The following STOML1 variants were observed in gnomAD, a reference collection of about 807,000 sequenced individuals.
STOML1 encodes the protein stomatin like 1.
STOML1 carries 27 observed loss-of-function variants against 35.7 expected under a neutral mutation model. The observed-to-expected ratio is 0.76, with a 90% CI of 0.56 to 1.04. STOML1 has a LOEUF of 1.04. Ranked by LOEUF, STOML1 falls within the 50% of genes least tolerant of loss-of-function variation. STOML1 has a pLI of 0.00. For missense variants in STOML1, 451 were observed against 527.1 expected (o/e 0.86, Z 1.41); for synonymous variants, 219 against 227.9 (o/e 0.96, Z 0.35).
chr15:73,982,292 T>G lies in STOML1; in HGVS notation c.*1645A>C, dbSNP rs532446996. 20 of 152,462 alleles carry G rather than the reference T, an allele frequency of 1.3e-4. No individual in the cohort carries two copies. The highest frequency in any genetic ancestry group is 4.8e-4 in the African/African-American group (20 of 41,518). 9.4% of individuals were successfully genotyped at this position (152,462 alleles called of 1,614,324 possible). ...ACTGGGCCTCAAAGGGTGGCCACAG[T>G]GTGGCTGCGGGGATTGGAGGGCAGG... On this transcript the variant is annotated 3_prime_UTR_variant, in exon 7 of 7. Transcript: ENST00000541638.
chr15:73,993,741 G>A (rs1347666910), upstream of STOML1, among the ~76,000 whole-genome samples: 2 of 152,224 alleles, frequency 1.3e-5, no homozygotes, highest in African/African-American at 2.4e-5. Flanking sequence ...AAGCCGGGGC[G>A]CTGACCCAGT....
At chr15:73,985,705 G>C (rs956924459) in intron 4 of STOML1, 192 bp from the exon 5 acceptor site, 5 of 635,848 alleles carry the variant, frequency 7.9e-6, no homozygotes, top group Non-Finnish European at 1.3e-5. Context: ...AGCAAGGCCT[G>C]TGGTGAGCCC....
In STOML1 at chr15:73,984,004, C is replaced by T. The variant is rs558856616; in HGVS notation, c.1130G>A (p.Arg377Gln). ...AGCCAGGTCGCCCTTCACCTTCAGC[C>T]GTCCACTCATGTAGGCCCCCAGGGG... ...LRPLGAYMSG[R>Q]LKVKGDLAMA... The change falls in exon 7 of 7, where the codon CGG becomes CAG. Residue 377 changes from arginine to glutamine, a missense_variant. Transcript: ENST00000541638. The T allele has an allele frequency of 1.1e-5, 17 of 1,614,064 alleles. No homozygotes were observed. The highest frequency in any genetic ancestry group is 2.2e-5 in the East Asian group (1 of 44,880).
chr15:73,990,116 C>T (rs939655726), intron 2 of STOML1: 10 of 497,116 alleles, frequency 2.0e-5, no homozygotes, highest in Admixed American at 3.4e-5. Context: ...GATCCCAGGA[C>T]TTAGGAGTTT....
chr15:73,990,498 C>T, intron 1 of STOML1, 41 bp from the exon 2 acceptor site: 1 of 1,564,880 alleles, frequency 6.4e-7, no homozygotes, highest in Non-Finnish European at 8.7e-7. Flanking sequence ...ACCTGCACGA[C>T]AGCTGCCAAG....
intron 6 of STOML1, 87 bp downstream of exon 6, chr15:73,984,572 G>A: frequency 6.8e-7 from 1 of 1,475,492 alleles, no homozygotes; most frequent in South Asian, 1.2e-5. Context: ...GCAGGAGCAG[G>A]GGGCAGTCTA....
chr15:73,993,304 GT>G (rs757991168), upstream of STOML1, among the ~76,000 whole-genome samples: 3 of 152,222 alleles, frequency 2.0e-5, no homozygotes, highest in Non-Finnish European at 2.9e-5. Context: ...TTTGAGAAGT[GT>G]TAACTTCCAA....
chr15:73,991,097 G>T (rs1216105560), intron 1 of STOML1: 14 of 687,134 alleles, frequency 2.0e-5, no homozygotes, highest in Non-Finnish European at 2.3e-5. Flanking sequence ...CAGCCTGGGG[G>T]ACAGAGCGAG....
Position 73,984,680 on chromosome 15 carries a change from A to G in STOML1, c.982T>C (p.Tyr328His). ...GCACCTGTAGTGAGGTCCAGGAAGT[A>G]GGCGCTTTGGGTGCCGCTGGGCAGG... ...VVLPSGTQSA[Y>H]FLDLTTGRGR... The change falls in exon 6 of 7, where the codon TAC becomes CAC. Residue 328 changes from tyrosine (Y) to histidine (H), a missense_variant. Transcript: ENST00000541638. The G allele has an allele frequency of 6.2e-7, 1 of 1,614,136 alleles. No homozygotes were observed. Among genetic ancestry groups the G allele is most frequent in the Non-Finnish European group, 8.5e-7 (1 of 1,180,020 alleles).
In STOML1 at chr15:73,984,719, G is replaced by A. The variant is rs1252243843; in HGVS notation, c.943C>T (p.Gln315Ter). 3.1e-6 allele frequency: 5 copies of A among 1,614,122 alleles called. No homozygotes were observed. Among genetic ancestry groups the A allele is most frequent in the Non-Finnish European group, 3.4e-6 (4 of 1,180,044 alleles). The change falls in exon 6 of 7, where the codon CAG (glutamine) becomes TAG (stop). Residue 315 changes from glutamine (Q) to a stop codon, truncating the protein, a stop_gained. Coordinates refer to ENST00000541638, the MANE Select transcript of STOML1 (RefSeq NM_004809.5). LOFTEE classifies it high-confidence loss of function. ...CCGCTGGGCAGGACGACATTGAACT[G>A]GTAGCAGGCCCCGACTTGGCTGACC... is the stretch of plus-strand genomic sequence containing the variant. ...ALVSQVGACY[Q>*]FNVVLPSGTQ...
At chr15:73,985,237 A>C in intron 5 of STOML1, 81 bp downstream of exon 5, 49 of 1,423,706 alleles carry the variant, frequency 3.4e-5, no homozygotes, top group Non-Finnish European at 4.4e-5. Context: ...TGTACTGCAC[A>C]GAGCTGCTGG....
upstream of STOML1, among the ~76,000 whole-genome samples, chr15:73,992,649 A>C (rs1207676882): frequency 2.0e-5 from 3 of 152,164 alleles, no homozygotes; most frequent in Non-Finnish European, 4.4e-5. Context: ...CTCTACAAAA[A>C]ATTTTTAAAA....
chr15:73,981,600 T>C lies in STOML1; in HGVS notation c.*2337A>G, dbSNP rs904342499. 1 of 152,222 alleles carries C rather than the reference T, an allele frequency of 6.6e-6. No homozygotes were observed. Among genetic ancestry groups the C allele is most frequent in the Non-Finnish European group, 1.5e-5 (1 of 68,058 alleles). The allele number at this position is 152,222 out of a possible 1,614,324, so 9.4% of individuals were successfully genotyped here. On this transcript the variant is annotated 3_prime_UTR_variant, in exon 7 of 7. Coordinates refer to ENST00000541638, the MANE Select transcript of STOML1 (RefSeq NM_004809.5). ...CAGGTTCTAGTTCCCCGAAGCCCAGTTGCCTGACTGCCTCTTCCAGCTGTG... is the reference window on the plus strand; with the variant it reads ...CAGGTTCTAGTTCCCCGAAGCCCAGCTGCCTGACTGCCTCTTCCAGCTGTG...
In STOML1 at chr15:73,985,678, G is replaced by A. The variant is rs540753036; in HGVS notation, c.595-165C>T. On this transcript the variant is annotated intron_variant, in intron 4 of 6. Coordinates refer to ENST00000541638, the MANE Select transcript of STOML1 (RefSeq NM_004809.5). ...AGAGGGCAATGACCTTTCAGCTGTG[G>A]TAAGTGCCAAGACAGAAGCAAGGCC... The A allele has an allele frequency of 1.6e-4, 139 of 852,410 alleles. 1 individual carries two copies. In the South Asian group the frequency reaches 2.0e-3, roughly 12 times the overall value. 52.8% of individuals were successfully genotyped at this position (852,410 alleles called of 1,614,324 possible). A position where few individuals can be genotyped will look rare whatever the true frequency, so the allele number is the denominator to read the frequency against.
chr15:73,990,090 T>C (rs1648573390), intron 2 of STOML1: 1 of 416,418 alleles, frequency 2.4e-6, no homozygotes. Context: ...TGCGTGTACC[T>C]TAAAGCCAGT....
chr15:73,992,767 C>G (rs2069325243), upstream of STOML1, among the ~76,000 whole-genome samples: 2 of 152,306 alleles, frequency 1.3e-5, no homozygotes, highest in South Asian at 4.1e-4. Flanking sequence ...TATGATCGTG[C>G]CACTGCACTG....
Position 73,992,153 on chromosome 15 carries a change from C to G in STOML1, c.71G>C (p.Gly24Ala), listed in dbSNP as rs765383470. 1 of 1,609,102 alleles carries G rather than the reference C, an allele frequency of 6.2e-7. No individual in the cohort carries two copies. The highest frequency in any genetic ancestry group is 2.3e-5 in the East Asian group (1 of 44,162). ...GCAGCCCTTCTGCGAGCCCAGAAAG[C>G]CGAAGCTCGACTGCTGGAAGCGGTC... ...DFDRFQQSSF[G>A]FLGSQKGCLS... Residue 24 changes from glycine to alanine, a missense_variant, in exon 1 of 7, where the codon GGC becomes GCC. Coordinates refer to ENST00000541638, the MANE Select transcript of STOML1 (RefSeq NM_004809.5).
chr15:73,984,321 A>G (rs2069018278), intron 6 of STOML1, among the ~76,000 whole-genome samples, 191 bp from the exon 7 acceptor site: 1 of 152,244 alleles, frequency 6.6e-6, no homozygotes, highest in Admixed American at 6.5e-5. Context: ...ATCTGTGATG[A>G]TAATTCCTTT....
rs1209782149 is a variant in STOML1, at chr15:73,988,035, A to C, written c.594+564T>G. The C allele has an allele frequency of 6.5e-6, 1 of 152,790 alleles. No homozygotes were observed. The highest frequency in any genetic ancestry group is 1.5e-5 in the Non-Finnish European group (1 of 68,442). The allele number at this position is 152,790 out of a possible 1,614,324, so 9.5% of individuals were successfully genotyped here. A position where few individuals can be genotyped will look rare whatever the true frequency, so the allele number is the denominator to read the frequency against. The stretch of plus-strand genomic sequence containing the variant: ...GTGGCTGCAGGGGACACAACTCTGC[A>C]TGTGTATTTATTTCTACCCCATCTT... On this transcript the variant is annotated intron_variant, in intron 4 of 6. Coordinates refer to ENST00000541638, the MANE Select transcript of STOML1 (RefSeq NM_004809.5). This position sits in a 1 kb window ranked among gnomAD's most constrained non-coding sequence, Gnocchi z 4.8.
Sources: gnomAD v4.1 joint callset for allele counts (sites outside exome capture counted in the v4.1 genomes callset) on GRCh38, gnomAD v4.1.1 for gene constraint, Gnocchi (gnomAD v3.1) non-coding constraint, MANE v1.5 for transcripts, NCBI Gene and HGNC (gene_info 2026-07-23, HGNC 2026-07-21) for gene names.